Variants in DHX37 observed in about 807,000 individuals in gnomAD.
DHX37 encodes DEAH-box helicase 37.
Under a neutral mutation model 134.3 loss-of-function variants are expected in DHX37, and 52 were observed. That is an observed-to-expected ratio of 0.39 (90% CI 0.31 to 0.49). The LOEUF (loss-of-function observed/expected upper bound fraction) is 0.49, where lower values mean the gene tolerates loss of function less well. DHX37 is among the 20% of genes least tolerant of loss of function. The pLI, the probability that DHX37 is intolerant of heterozygous loss-of-function variation, is 0.93. For missense variants in DHX37, 1,344 were observed against 1,580.8 expected, an observed-to-expected ratio of 0.85 and a Z score of 2.54; for synonymous variants, 634 against 670.7, an observed-to-expected ratio of 0.95 and a Z score of 0.85.
chr12:124,965,641 G>A (rs1187609109), intron 13 of DHX37, 27 bp downstream of exon 13: 3 of 1,580,782 alleles, frequency 1.9e-6, no homozygotes, highest in African/African-American at 2.7e-5. Flanking sequence ...TAATGAACAT[G>A]AGCAGGAATC....
chr12:124,967,059 C>T (rs1042657004), intron 11 of DHX37, 64 bp downstream of exon 11: 1 of 1,585,242 alleles, frequency 6.3e-7, no homozygotes, highest in Non-Finnish European at 8.6e-7. Context: ...TGCACCCCAG[C>T]CAGGGAGCGC....
In DHX37 at chr12:124,977,499, A is replaced by C. The variant is rs1954671298; in HGVS notation, c.739-9T>G. 3 of 1,585,586 alleles carry C rather than the reference A, an allele frequency of 1.9e-6. No homozygotes were observed. The highest frequency in any genetic ancestry group is 2.3e-5 in the South Asian group (2 of 86,344). ...AGCTTCAGCCGTTCCTCCTGGAAGG[A>C]GAGGAAGTCAGCACTTAGGGAGCAG... On this transcript the variant is annotated splice_polypyrimidine_tract_variant and intron_variant, in intron 4 of 26. Transcript: ENST00000308736.
intron 21 of DHX37, among the ~76,000 whole-genome samples, chr12:124,951,093 A>G (rs1290837183): frequency 1.3e-5 from 2 of 152,162 alleles, no homozygotes; most frequent in African/African-American, 4.8e-5. Context: ...TGGTTTCACC[A>G]TGTTGGTGAA....
Position 124,950,133 on chromosome 12 carries a change from C to A in DHX37, c.3216+16G>T. ...CGGTACCCGAGATGAGGGTCTGGAGCCGCTGTGCCACCTACCTGCCCTTCC... is the reference window on the plus strand; with the variant it reads ...CGGTACCCGAGATGAGGGTCTGGAGACGCTGTGCCACCTACCTGCCCTTCC... On this transcript the variant is annotated intron_variant, in intron 24 of 26. Transcript: ENST00000308736. 1 of 1,613,956 alleles carries A rather than the reference C, an allele frequency of 6.2e-7. No homozygotes were observed.
At chr12:124,962,759 C>A (rs1954292703) in intron 15 of DHX37, among the ~76,000 whole-genome samples, 1 of 152,126 alleles carries the variant, frequency 6.6e-6, no homozygotes. Context: ...ACTGCTTGAA[C>A]CCAGGAGGCA....
At chr12:124,979,268 G>A (rs1033914470) in intron 4 of DHX37, among the ~76,000 whole-genome samples, 1 of 152,170 alleles carries the variant, frequency 6.6e-6, no homozygotes, top group African/African-American at 2.4e-5. Flanking sequence ...CTTTGGGAGG[G>A]TGAGGCAGGA....
In DHX37 at chr12:124,980,287, C is replaced by T. The variant is rs967576498; in HGVS notation, c.738+203G>A. The stretch of plus-strand genomic sequence containing the variant: ...GCCCCGAGCCTGCCAGGCGTGCCGC[C>T]AGACACCCGCCCTGCACTGTGATCC... On this transcript the variant is annotated intron_variant, in intron 4 of 26. Coordinates refer to ENST00000308736, the MANE Select transcript of DHX37 (RefSeq NM_032656.4). The surrounding 1 kb of genome is among the most constrained non-coding windows in gnomAD (Gnocchi z 5.3). 3.9e-5 allele frequency among the ~76,000 whole-genome samples: 6 copies of T among 152,254 alleles called. No individual in the cohort carries two copies. Among genetic ancestry groups the T allele is most frequent in the African/African-American group, 1.4e-4 (6 of 41,468 alleles).
intron 5 of DHX37, among the ~76,000 whole-genome samples, chr12:124,976,873 C>G (rs1183220393): frequency 2.0e-5 from 3 of 148,654 alleles, no homozygotes; most frequent in Non-Finnish European, 3.0e-5. Context: ...AAAAAGAAAC[C>G]CTGTCTCTAC....
In DHX37 at chr12:124,949,796, C is replaced by G. The variant is rs949302517; in HGVS notation, c.3290+190G>C. 8.5e-5 allele frequency among the ~76,000 whole-genome samples: 13 copies of G among 152,234 alleles called. No individual in the cohort carries two copies. Among genetic ancestry groups the G allele is most frequent in the African/African-American group, 3.1e-4 (13 of 41,536 alleles). On this transcript the variant is annotated intron_variant, in intron 25 of 26. Transcript: ENST00000308736. The surrounding 1 kb of genome is among the most constrained non-coding windows in gnomAD (Gnocchi z 4.0). Reference sequence around the variant, plus strand: ...TGTGGCCACAAGCCCAGGAGGCCGACAGAGGCAAGACGGACCCTCCCCGAG... The same window carrying G: ...TGTGGCCACAAGCCCAGGAGGCCGAGAGAGGCAAGACGGACCCTCCCCGAG...
chr12:124,978,531 T>C lies in DHX37; in HGVS notation c.739-1041A>G, dbSNP rs1327517630. Among the ~76,000 whole-genome samples, 4 of 151,434 alleles carry C rather than the reference T, an allele frequency of 2.6e-5. No homozygotes were observed. The East Asian group carries it at 8.0e-4, about 30-fold the overall frequency. On this transcript the variant is annotated intron_variant, in intron 4 of 26. Coordinates refer to ENST00000308736, the MANE Select transcript of DHX37 (RefSeq NM_032656.4). ...CGGGGTTTCACCACGTTGGCCAGGC[T>C]GGTGTCAAACTCCTGACCTCAGGTG... is the stretch of plus-strand genomic sequence containing the variant.
Position 124,947,645 on chromosome 12 carries a change from G to T in DHX37, c.*157C>A. The T allele has an allele frequency of 1.0e-6, 1 of 982,566 alleles. No individual in the cohort carries two copies. The highest frequency in any genetic ancestry group is 1.5e-6 in the Non-Finnish European group (1 of 688,430). The allele number at this position is 982,566 out of a possible 1,614,324, so 60.9% of individuals were successfully genotyped here. On this transcript the variant is annotated 3_prime_UTR_variant, in exon 27 of 27. Transcript: ENST00000308736. ...CACGGGCGGCAGCACCCTTCATACGGGATCGAGCTCTCATGGATGAGGGTT... is the reference window on the plus strand; with the variant it reads ...CACGGGCGGCAGCACCCTTCATACGTGATCGAGCTCTCATGGATGAGGGTT...
In DHX37 at chr12:124,964,496, C is replaced by T. The variant is rs116262888; in HGVS notation, c.1943G>A (p.Arg648His). ...ACGGAAGGAGGATACGCCAGTGACG[C>T]GGTCGTAGTAGCGTTTCTTGACCTT... ...CGKVKKRYYD[R>H]VTGVSSFRVT... Residue 648 changes from arginine to histidine, a missense_variant, in exon 15 of 27, where the codon CGC (arginine) becomes CAC (histidine). Transcript: ENST00000308736. The T allele has an allele frequency of 2.4e-5, 38 of 1,614,208 alleles. No individual in the cohort carries two copies. The East Asian group carries it at 2.9e-4, about 12-fold the overall frequency.
intron 15 of DHX37, 82 bp from the exon 16 acceptor site, chr12:124,960,505 C>T (rs1166770723): frequency 1.5e-5 from 23 of 1,552,102 alleles, no homozygotes; most frequent in East Asian, 4.6e-5. Flanking sequence ...AGACAGAAAC[C>T]GGGACAACAA....
chr12:124,976,554 G>A (rs982032216), intron 5 of DHX37, among the ~76,000 whole-genome samples: 6 of 152,338 alleles, frequency 3.9e-5, no homozygotes, highest in Admixed American at 3.3e-4. Context: ...TCTTGGCCGG[G>A]TGCAGTGGCT....
At chr12:124,963,927 C>A (rs949917147) in intron 15 of DHX37, among the ~76,000 whole-genome samples, 2 of 148,034 alleles carry the variant, frequency 1.4e-5, no homozygotes, top group Non-Finnish European at 1.5e-5. Context: ...GTAGGCCAGG[C>A]ATGGTGGCTC....
At chr12:124,966,511 C>T (rs913660839) in intron 12 of DHX37, among the ~76,000 whole-genome samples, 2 of 152,162 alleles carry the variant, frequency 1.3e-5, no homozygotes, top group Admixed American at 6.5e-5. Flanking sequence ...CACAGGCATG[C>T]GCCACTGCAC....
chr12:124,960,179 C>T, intron 16 of DHX37, 133 bp downstream of exon 16: 1 of 1,447,070 alleles, frequency 6.9e-7, no homozygotes, highest in East Asian at 2.3e-5. Context: ...CTGGGAGCAC[C>T]TGCTGATGCA....
In DHX37 at chr12:124,950,254, G is replaced by A. The variant is rs747175087; in HGVS notation, c.3122-11C>T. 6.6e-5 allele frequency: 107 copies of A among 1,613,298 alleles called. No individual in the cohort carries two copies. The highest frequency in any genetic ancestry group is 1.6e-4 in the Middle Eastern group (1 of 6,082). ...GCCAGCCCACGCGATCTAGAAGGTG[G>A]GAGCCAGTGAGACAGGGACCCTCCT... On this transcript the variant is annotated splice_polypyrimidine_tract_variant and intron_variant, in intron 23 of 26. Transcript: ENST00000308736.
At position 124,961,217 on chromosome 12, in the gene DHX37, C is replaced by T. The variant is rs184324249; in HGVS notation, c.2046-794G>A. Among the ~76,000 whole-genome samples, 42 of 81,004 alleles carry T rather than the reference C, an allele frequency of 5.2e-4. 1 individual carries two copies. Among genetic ancestry groups the T allele is most frequent in the South Asian group, 5.1e-4 (1 of 1,944 alleles). 53.1% of individuals were successfully genotyped at this position (81,004 alleles called of 152,430 possible). On this transcript the variant is annotated intron_variant, in intron 15 of 26. Coordinates refer to ENST00000308736, the MANE Select transcript of DHX37 (RefSeq NM_032656.4). ...ACACACACATACACGTGTGCACGCA[C>T]GCACACGCACGCACACACACATACA... is the stretch of plus-strand genomic sequence containing the variant.
Sources: allele counts gnomAD v4.1 joint callset (sites outside exome capture counted in the v4.1 genomes callset), GRCh38; gene constraint gnomAD v4.1.1; non-coding constraint Gnocchi (gnomAD v3.1); transcripts MANE v1.5; gene names NCBI Gene and HGNC (gene_info 2026-07-23, HGNC 2026-07-21).